Variants in ALK observed in about 807,000 individuals in gnomAD.
ALK encodes ALK tyrosine kinase receptor.
A neutral mutation model predicts 163.1 loss-of-function variants in ALK; 74 were observed. The ratio of observed to expected loss-of-function variants is 0.45; its 90% CI spans 0.38 to 0.55. The LOEUF is 0.55. Ranked by LOEUF, ALK falls within the 20% of genes least tolerant of loss-of-function variation. The pLI is 0.00. For synonymous variants in ALK, 960 were observed against 843.2 expected, an observed-to-expected ratio of 1.14 and a Z score of -2.40; for missense variants, 2,063 against 2,105.3, an observed-to-expected ratio of 0.98 and a Z score of 0.39.
chr2:29,720,277 T>C (rs1261691946), intron 1 of ALK, among the ~76,000 whole-genome samples: 2 of 152,042 alleles, frequency 1.3e-5, no homozygotes, highest in African/African-American at 2.4e-5. Flanking sequence ...CAAGGTAATA[T>C]GGACATCACT....
chr2:29,743,569 C>A (rs1680121012), intron 1 of ALK, among the ~76,000 whole-genome samples: 1 of 152,228 alleles, frequency 6.6e-6, no homozygotes, highest in African/African-American at 2.4e-5. Flanking sequence ...AGGACGGATT[C>A]CTGTTTGACG....
At chr2:29,509,018 G>A (rs187456590) in intron 4 of ALK, among the ~76,000 whole-genome samples, 300 of 152,274 alleles carry the variant, frequency 2.0e-3, no homozygotes, top group Non-Finnish European at 2.7e-3. Flanking sequence ...GATGTGAGTA[G>A]CGTGTGCAGG....
At chr2:29,714,348 C>T (rs189767304) in intron 2 of ALK, among the ~76,000 whole-genome samples, 14 of 152,112 alleles carry the variant, frequency 9.2e-5, no homozygotes, top group Admixed American at 3.3e-4. Context: ...TATTAGGCCC[C>T]AATGCAAATT....
intron 3 of ALK, among the ~76,000 whole-genome samples, chr2:29,687,478 A>T (rs1678272019): frequency 6.6e-6 from 1 of 152,072 alleles, no homozygotes; most frequent in African/African-American, 2.4e-5. Flanking sequence ...TTTCCCCCAA[A>T]GTCTAAGATA....
intron 1 of ALK, among the ~76,000 whole-genome samples, chr2:29,896,056 G>A (rs1452784630): frequency 1.3e-5 from 2 of 152,172 alleles, no homozygotes; most frequent in Non-Finnish European, 2.9e-5. Context: ...TGGGAGAGTA[G>A]GTATGGTAGT....
At chr2:29,805,352 A>C (rs1401382679) in intron 1 of ALK, among the ~76,000 whole-genome samples, 1 of 152,240 alleles carries the variant, frequency 6.6e-6, no homozygotes, top group Non-Finnish European at 1.5e-5. Flanking sequence ...CAGATTTGTT[A>C]CATAGTGTGG....
At chr2:29,832,367 A>G (rs1665442824) in intron 1 of ALK, among the ~76,000 whole-genome samples, 1 of 152,224 alleles carries the variant, frequency 6.6e-6, no homozygotes, top group Non-Finnish European at 1.5e-5. Context: ...ATGTGTCAGA[A>G]CTAGGGAACT....
At chr2:29,589,066 G>C (rs1674972805) in intron 3 of ALK, among the ~76,000 whole-genome samples, 1 of 152,172 alleles carries the variant, frequency 6.6e-6, no homozygotes, top group African/African-American at 2.4e-5. Flanking sequence ...GAGAGCTTTA[G>C]AGGTGGGAGA....
chr2:29,260,461 G>A (rs1344649774), intron 11 of ALK, among the ~76,000 whole-genome samples: 1 of 151,984 alleles, frequency 6.6e-6, no homozygotes, highest in African/African-American at 2.4e-5. Context: ...TGTGAGATTA[G>A]TTTTCCTGGA....
At chr2:29,502,955 C>T (rs1672224902) in intron 4 of ALK, among the ~76,000 whole-genome samples, 2 of 152,148 alleles carry the variant, frequency 1.3e-5, no homozygotes, top group African/African-American at 4.8e-5. Context: ...TGCAAAGATG[C>T]TGCAGACCAA....
intron 3 of ALK, among the ~76,000 whole-genome samples, chr2:29,559,497 C>T (rs1198229993): frequency 6.6e-6 from 1 of 152,176 alleles, no homozygotes; most frequent in Admixed American, 6.5e-5. Flanking sequence ...TTCCTTGTCT[C>T]TCCACATTCT....
intron 5 of ALK, among the ~76,000 whole-genome samples, chr2:29,368,337 T>C (rs1333424405): frequency 6.6e-6 from 1 of 152,224 alleles, no homozygotes; most frequent in African/African-American, 2.4e-5. Flanking sequence ...GGTGGCTGTG[T>C]GACTTCCTTT....
chr2:29,846,393 G>A (rs1665844051), intron 1 of ALK, among the ~76,000 whole-genome samples: 1 of 152,120 alleles, frequency 6.6e-6, no homozygotes, highest in Admixed American at 6.5e-5. Context: ...ATATAAAATT[G>A]CCTTGTCCAT....
chr2:29,764,256 G>A (rs993300283), intron 1 of ALK, among the ~76,000 whole-genome samples: 1 of 152,130 alleles, frequency 6.6e-6, no homozygotes, highest in Non-Finnish European at 1.5e-5. Flanking sequence ...AAGTGATTGT[G>A]GGGAGGGTGG....
At position 29,627,553 on chromosome 2, in the gene ALK, G is replaced by A. The variant is rs543509582; in HGVS notation, c.952+67297C>T. Reference sequence around the variant, plus strand: ...CTTAAGTCTTATTTCTCACACACGTGTCTCTGGCTGCCTGGCTGCCTAACT... The same window carrying A: ...CTTAAGTCTTATTTCTCACACACGTATCTCTGGCTGCCTGGCTGCCTAACT... On this transcript the variant is annotated intron_variant, in intron 3 of 28. Transcript: ENST00000389048. 4.5e-4 allele frequency among the ~76,000 whole-genome samples: 68 copies of A among 152,186 alleles called. 1 individual carries two copies. Among genetic ancestry groups the A allele is most frequent in the African/African-American group, 1.3e-3 (56 of 41,562 alleles).
chr2:29,637,338 G>A (rs72864428), intron 3 of ALK, among the ~76,000 whole-genome samples: 2,163 of 152,172 alleles, frequency 0.014, 45 homozygotes, highest in African/African-American at 0.04. Context: ...AGTTCAACAG[G>A]TTTTATGCCT....
At chr2:29,752,647 C>T (rs959041545) in intron 1 of ALK, among the ~76,000 whole-genome samples, 2 of 152,074 alleles carry the variant, frequency 1.3e-5, no homozygotes, top group Non-Finnish European at 2.9e-5. Flanking sequence ...CGCGCCCGGC[C>T]GACTTCTGCT....
At chr2:29,361,099 AAGCTGATGAATCCACG>A (rs1395537138) in intron 5 of ALK, among the ~76,000 whole-genome samples, 1 of 152,222 alleles carries the variant, frequency 6.6e-6, no homozygotes, top group African/African-American at 2.4e-5. Context: ...CTCTCTCAGG[AAGCTGATGAATCCACG>A]AGCAGATCGC....
chr2:29,404,031 T>A (rs189328627), intron 4 of ALK, among the ~76,000 whole-genome samples: 1 of 152,278 alleles, frequency 6.6e-6, no homozygotes, highest in Admixed American at 6.5e-5. Flanking sequence ...AGGCCGGGCA[T>A]GTTAGCTCAC....
Sources: allele counts gnomAD v4.1 joint callset (sites outside exome capture counted in the v4.1 genomes callset), GRCh38; gene constraint gnomAD v4.1.1; transcripts MANE v1.5; gene names NCBI Gene and HGNC (gene_info 2026-07-23, HGNC 2026-07-21).